Variants in TMEM131 observed in about 807,000 individuals in gnomAD.
The protein encoded by TMEM131 is 2610524E03Rik.
A neutral mutation model predicts 211.6 loss-of-function variants in TMEM131; 66 were observed. That is an observed-to-expected ratio of 0.31 (90% CI 0.26 to 0.38). The LOEUF is 0.38. Ranked by LOEUF, TMEM131 falls within the 10% of genes least tolerant of loss-of-function variation. The pLI, the probability that TMEM131 is intolerant of heterozygous loss-of-function variation, is 1.00. For missense variants in TMEM131, 2,036 were observed against 2,299.3 expected, an observed-to-expected ratio of 0.89 and a Z score of 2.34; for synonymous variants, 844 against 841.3, an observed-to-expected ratio of 1.00 and a Z score of -0.06.
chr2:97,770,005 G>A (rs1679390255), intron 33 of TMEM131, among the ~76,000 whole-genome samples: 1 of 152,176 alleles, frequency 6.6e-6, no homozygotes, highest in South Asian at 2.1e-4. Flanking sequence ...CAAAGCTTCC[G>A]AAAGACAGCA....
chr2:97,841,671 G>T, intron 7 of TMEM131, 144 bp downstream of exon 7: 1 of 790,382 alleles, frequency 1.3e-6, no homozygotes, highest in Non-Finnish European at 1.7e-6. Flanking sequence ...GCAGCAAGCT[G>T]TACTAAAAGT....
rs71386040 is a variant in TMEM131, at chr2:97,923,628, T to TAAA, written c.249+3795_249+3797dup. Among the ~76,000 whole-genome samples, 116 of 30,200 alleles carry TAAA rather than the reference T, an allele frequency of 3.8e-3. 1 individual carries two copies. The highest frequency in any genetic ancestry group is 6.4e-3 in the African/African-American group (68 of 10,608). The allele number at this position is 30,200 out of a possible 152,430, so 19.8% of individuals were successfully genotyped here. On this transcript the variant is annotated intron_variant, in intron 2 of 40. Transcript: ENST00000186436. Reference sequence around the variant, plus strand: ...CAGAGCAAGACACTGTCTTTTTTTTTAAAAAAAAAAAAAAAAAAAAAAAAA... The same window carrying TAAA: ...CAGAGCAAGACACTGTCTTTTTTTTTAAAAAAAAAAAAAAAAAAAAAAAAAAAA...
intron 1 of TMEM131, among the ~76,000 whole-genome samples, chr2:97,927,720 C>T (rs569168444): frequency 6.6e-6 from 1 of 152,250 alleles, no homozygotes; most frequent in South Asian, 2.1e-4. Context: ...TATGCATCAA[C>T]TTCAAAATAT....
At chr2:97,802,893 G>A in intron 22 of TMEM131, 103 bp from the exon 23 acceptor site, 1 of 994,394 alleles carries the variant, frequency 1.0e-6, no homozygotes, top group Non-Finnish European at 1.4e-6. Flanking sequence ...TTTTTTGCTG[G>A]CCCTGAAAAA....
chr2:97,995,497 C>A lies in TMEM131; in HGVS notation c.166G>T (p.Ala56Ser). The A allele has an allele frequency of 1.4e-6, 2 of 1,411,434 alleles. No individual in the cohort carries two copies. Among genetic ancestry groups the A allele is most frequent in the Non-Finnish European group, 9.3e-7 (1 of 1,077,234 alleles). 87.4% of individuals were successfully genotyped at this position (1,411,434 alleles called of 1,614,324 possible). The change falls in exon 1 of 41, where the codon GCG becomes TCG. Residue 56 changes from alanine (A) to serine (S), a missense_variant. Physicochemically the swap from Ala to Ser is moderately conservative, Grantham distance 99. Transcript: ENST00000186436. Reference sequence around the variant, plus strand: ...CCACCTTCCTTCTCGGCCCGCGCCGCAGCCACTACGAGGGTCATCACCAGG... The same window carrying A: ...CCACCTTCCTTCTCGGCCCGCGCCGAAGCCACTACGAGGGTCATCACCAGG... The part of the protein sequence containing the change: ...LHLVMTLVVA[A>S]ARAEKEAFVQ...
Position 97,844,193 on chromosome 2 carries a change from T to C in TMEM131, c.552A>G (p.Glu184=), listed in dbSNP as rs915708684. Residue 184 remains glutamate, a synonymous_variant, in exon 6 of 41, where the codon GAA becomes GAG. Coordinates refer to ENST00000186436, the MANE Select transcript of TMEM131 (RefSeq NM_015348.2). ...TAGATGTATTAATAAATAAAGTATT[T>C]TCTACATTTCCTACTACTCTTGCAA... ...VFLARVVGNV[E]NTLFINTSNH... 5.3e-6 allele frequency: 7 copies of C among 1,325,532 alleles called. No individual in the cohort carries two copies. The highest frequency in any genetic ancestry group is 7.0e-6 in the Non-Finnish European group (7 of 1,000,312). 82.1% of individuals were successfully genotyped at this position (1,325,532 alleles called of 1,614,324 possible).
At chr2:97,759,962 C>G in intron 38 of TMEM131, 1 of 525,202 alleles carries the variant, frequency 1.9e-6, no homozygotes, top group Admixed American at 3.2e-5. Context: ...CTATCACTAG[C>G]TCACAGCCAG....
intron 1 of TMEM131, among the ~76,000 whole-genome samples, chr2:97,976,228 G>A (rs1330858722): frequency 1.3e-5 from 2 of 151,964 alleles, no homozygotes; most frequent in Non-Finnish European, 2.9e-5. Flanking sequence ...CAAAACAGAA[G>A]GTATCCAGAC....
intron 33 of TMEM131, among the ~76,000 whole-genome samples, chr2:97,770,669 G>A (rs891259288): frequency 6.6e-6 from 1 of 152,188 alleles, no homozygotes; most frequent in East Asian, 1.9e-4. Flanking sequence ...AGTGGAACAG[G>A]GATGGGGGTT....
In TMEM131 at chr2:97,908,644, T is replaced by C. The variant is rs1317178; in HGVS notation, c.290+14A>G. On this transcript the variant is annotated intron_variant, in intron 3 of 40. Transcript: ENST00000186436. ...AACCGAAAGTATGTTAATTATCTTA[T>C]TAAATATACTTACCTTTTCTGCTGA... is the stretch of plus-strand genomic sequence containing the variant. 1,173,708 of 1,582,006 alleles carry C rather than the reference T, an allele frequency of 0.74. 452,155 individuals are homozygous for C. Among genetic ancestry groups the C allele is most frequent in the African/African-American group, 0.89 (66,310 of 74,404 alleles).
chr2:97,842,890 C>T (rs1683262971), intron 6 of TMEM131, among the ~76,000 whole-genome samples: 1 of 152,078 alleles, frequency 6.6e-6, no homozygotes, highest in Non-Finnish European at 1.5e-5. Context: ...TCTAGCACTT[C>T]AAAATTACTG....
At chr2:97,966,979 G>T (rs1259279983) in intron 1 of TMEM131, among the ~76,000 whole-genome samples, 1 of 151,788 alleles carries the variant, frequency 6.6e-6, no homozygotes, top group African/African-American at 2.4e-5. Flanking sequence ...TTGTTCCAGG[G>T]GTGTTCACAG....
chr2:97,844,144 C>T lies in TMEM131; in HGVS notation c.600+1G>A. 1.0e-6 allele frequency: 1 copy of T among 957,450 alleles called. No individual in the cohort carries two copies. The highest frequency in any genetic ancestry group is 1.4e-6 in the Non-Finnish European group (1 of 698,090). The allele number at this position is 957,450 out of a possible 1,614,324, so 59.3% of individuals were successfully genotyped here. A position where few individuals can be genotyped will look rare whatever the true frequency, so the allele number is the denominator to read the frequency against. ...AAATAAGTTTTAATTCTGGTTCTTA[C>T]CTGGTAAGTAAATACCCCATGATTA... On this transcript the variant is annotated splice_donor_variant, in intron 6 of 40. Coordinates refer to ENST00000186436, the MANE Select transcript of TMEM131 (RefSeq NM_015348.2). LOFTEE classifies it high-confidence loss of function.
chr2:97,778,550 CAA>C (rs555222671), intron 31 of TMEM131, among the ~76,000 whole-genome samples: 14 of 129,244 alleles, frequency 1.1e-4, no homozygotes, highest in African/African-American at 2.0e-4. Context: ...GACTTCATCT[CAA>C]AAAAAAAAAA....
rs1382831783 is a variant in TMEM131, at chr2:97,911,676, G to A, written c.250-2978C>T. 5.1e-6 allele frequency: 5 copies of A among 984,492 alleles called. No homozygotes were observed. The East Asian group carries it at 4.5e-4, about 89-fold the overall frequency. 61.0% of individuals were successfully genotyped at this position (984,492 alleles called of 1,614,324 possible). On this transcript the variant is annotated intron_variant, in intron 2 of 40. Coordinates refer to ENST00000186436, the MANE Select transcript of TMEM131 (RefSeq NM_015348.2). Reference sequence around the variant, plus strand: ...CAGATACTCAATGCAAAGGATCTGTGGAAATAAAGTTAGAAAATCAGAAAA... The same window carrying A: ...CAGATACTCAATGCAAAGGATCTGTAGAAATAAAGTTAGAAAATCAGAAAA...
intron 22 of TMEM131, 92 bp from the exon 23 acceptor site, chr2:97,802,882 A>G: frequency 8.8e-7 from 1 of 1,134,438 alleles, no homozygotes; most frequent in South Asian, 1.7e-5. Flanking sequence ...TACTTGAGAA[A>G]TTTTTTGCTG....
At chr2:97,866,023 C>T (rs1674256107) in intron 4 of TMEM131, among the ~76,000 whole-genome samples, 1 of 132,074 alleles carries the variant, frequency 7.6e-6, no homozygotes, top group African/African-American at 3.0e-5. Flanking sequence ...GCTGGGACTA[C>T]AGGTGCCCAC....
At chr2:97,890,496 G>C (rs1675334337) in intron 3 of TMEM131, among the ~76,000 whole-genome samples, 1 of 152,210 alleles carries the variant, frequency 6.6e-6, no homozygotes, top group Admixed American at 6.5e-5. Context: ...GGAGTGGGTT[G>C]GAAGTGGGAA....
rs372887809 is a variant in TMEM131 at position 97,758,921 on chromosome 2, C to T, written c.5339G>A (p.Ser1780Asn). ...ATDPSPSWPA[S>N]SGSPTHTATS... The stretch of plus-strand genomic sequence containing the variant: ...GGCTGTGTGGGTCGGGGAGCCGGAA[C>T]TGGCTGGCCAGGAAGGACTGGGATC... The change falls in exon 40 of 41, where the codon AGT (serine) becomes AAT (asparagine). Residue 1780 changes from serine to asparagine, a missense_variant. Around this residue, in one of 3 missense-constraint regions of TMEM131, gnomAD observed 1,623 missense variants for 1,805.9 expected, o/e 0.90. Transcript: ENST00000186436. 6.2e-7 allele frequency: 1 copy of T among 1,613,492 alleles called. No individual in the cohort carries two copies.
Sources: allele counts gnomAD v4.1 joint callset (sites outside exome capture counted in the v4.1 genomes callset), GRCh38; gene constraint gnomAD v4.1.1; regional missense constraint gnomAD v4.1.1; transcripts MANE v1.5; gene names NCBI Gene and HGNC (gene_info 2026-07-23, HGNC 2026-07-21).